NDST1: variants seen among roughly 807,000 people sequenced by gnomAD.
NDST1 encodes the protein bifunctional heparan sulfate N-deacetylase/N-sulfotransferase 1.
Under a neutral mutation model 92.8 loss-of-function variants are expected in NDST1, and 35 were observed. The ratio of observed to expected loss-of-function variants is 0.38; its 90% confidence interval spans 0.29 to 0.50. The LOEUF is 0.50. Ranked by LOEUF, NDST1 falls within the 20% of genes least tolerant of loss-of-function variation. The probability of loss-of-function intolerance (pLI) is 0.94; values close to 1 mark genes in which losing one functional copy is unlikely to be tolerated. For synonymous variants in NDST1, 493 were observed against 500.3 expected (o/e 0.99, Z 0.19); for missense variants, 822 against 1,182.7 (o/e 0.69, Z 4.47).
intron 1 of NDST1, among the ~76,000 whole-genome samples, chr5:150,512,549 T>C (rs1309302612): frequency 1.3e-5 from 2 of 152,204 alleles, no homozygotes; most frequent in Non-Finnish European, 2.9e-5. Flanking sequence ...CCCAGAAAGA[T>C]CTCGAACCTC....
At chr5:150,498,235 A>G (rs1753079561) in exon 1 of NDST1, 1 of 152,382 alleles carries the variant, frequency 6.6e-6, no homozygotes, top group African/African-American at 2.4e-5. Flanking sequence ...GCTGTGTGAC[A>G]TTGGGTAAGT....
chr5:150,513,605 C>T (rs958089724), intron 1 of NDST1, among the ~76,000 whole-genome samples: 3 of 152,200 alleles, frequency 2.0e-5, no homozygotes, highest in Non-Finnish European at 4.4e-5. Context: ...GGCCTGCTGG[C>T]GCACAGTAGG....
chr5:150,539,138 G>A lies in NDST1; in HGVS notation c.1438-90G>A, dbSNP rs80352661. On this transcript the variant is annotated intron_variant, in intron 6 of 14. Transcript: ENST00000261797. ...CACATGGAGACTGCCTTTCTGAGGAGCAGCTGGGCCTTCTTCCTCTGAGGA... is the reference window on the plus strand; with the variant it reads ...CACATGGAGACTGCCTTTCTGAGGAACAGCTGGGCCTTCTTCCTCTGAGGA... 8.2e-3 allele frequency: 8,844 copies of A among 1,075,944 alleles called. 505 individuals are homozygous for A. The African/African-American group carries it at 0.12, about 15-fold the overall frequency. 66.6% of individuals were successfully genotyped at this position (1,075,944 alleles called of 1,614,324 possible). A position where few individuals can be genotyped will look rare whatever the true frequency, so the allele number is the denominator to read the frequency against.
At chr5:150,529,241 A>C (rs13357901) in intron 3 of NDST1, among the ~76,000 whole-genome samples, 2 of 151,864 alleles carry the variant, frequency 1.3e-5, no homozygotes, top group African/African-American at 4.8e-5. Context: ...AAAATAAAAC[A>C]TTAGCTGGGT....
intron 1 of NDST1, among the ~76,000 whole-genome samples, chr5:150,519,672 T>G (rs978122842): frequency 8.6e-5 from 13 of 150,972 alleles, no homozygotes; most frequent in African/African-American, 2.7e-4. Context: ...GCAACAAGAG[T>G]GAAACTCCGC....
At chr5:150,544,105 A>G (rs1238949519) in intron 10 of NDST1, among the ~76,000 whole-genome samples, 2 of 152,134 alleles carry the variant, frequency 1.3e-5, no homozygotes, top group Non-Finnish European at 2.9e-5. Context: ...ACATCTCCAC[A>G]GTCTCTTGTC....
At chr5:150,507,798 C>G (rs1046439957), upstream of NDST1, 7 of 152,598 alleles carry the variant, frequency 4.6e-5, no homozygotes, top group African/African-American at 1.7e-4. Flanking sequence ...TGGCTGCTAC[C>G]TCTCTTGAGA....
chr5:150,509,487 C>A (rs1753619005), intron 1 of NDST1, among the ~76,000 whole-genome samples: 1 of 152,142 alleles, frequency 6.6e-6, no homozygotes, highest in African/African-American at 2.4e-5. Flanking sequence ...TCTTCCTTAG[C>A]ATGAGGCCTC....
chr5:150,543,134 G>C (rs1755320078), intron 10 of NDST1, among the ~76,000 whole-genome samples, 163 bp downstream of exon 10: 1 of 152,232 alleles, frequency 6.6e-6, no homozygotes, highest in Admixed American at 6.5e-5. Flanking sequence ...TGGTGTGACA[G>C]CGTTGTCATA....
intron 1 of NDST1, among the ~76,000 whole-genome samples, chr5:150,499,257 T>C (rs1052805204): frequency 6.6e-6 from 1 of 152,270 alleles, no homozygotes; most frequent in African/African-American, 2.4e-5. Flanking sequence ...GACTTCTGGC[T>C]TTATTTCAAA....
chr5:150,551,357 C>T (rs937098525), intron 13 of NDST1, among the ~76,000 whole-genome samples: 2 of 151,984 alleles, frequency 1.3e-5, no homozygotes, highest in African/African-American at 4.8e-5. Flanking sequence ...ACCCCTCTTC[C>T]CATTGACGCT....
chr5:150,533,145 G>A (rs1754820118), intron 4 of NDST1, 113 bp downstream of exon 4: 2 of 1,054,982 alleles, frequency 1.9e-6, no homozygotes, highest in Admixed American at 3.5e-5. Flanking sequence ...CCACATTAGA[G>A]GCAGAGGTGA....
chr5:150,551,071 T>C (rs1755704604), intron 13 of NDST1, among the ~76,000 whole-genome samples: 1 of 152,230 alleles, frequency 6.6e-6, no homozygotes, highest in African/African-American at 2.4e-5. Flanking sequence ...AATTCTGTTT[T>C]CTTGATGCCC....
chr5:150,546,367 A>G (rs1258573346), intron 11 of NDST1, among the ~76,000 whole-genome samples: 1 of 152,170 alleles, frequency 6.6e-6, no homozygotes, highest in African/African-American at 2.4e-5. Context: ...GCCTGCAGGA[A>G]TGCTTTTAGG....
At chr5:150,505,190 G>A (rs1002959403), upstream of NDST1, among the ~76,000 whole-genome samples, 1 of 152,218 alleles carries the variant, frequency 6.6e-6, no homozygotes, top group African/African-American at 2.4e-5. Flanking sequence ...AGCTGGCCGG[G>A]CTGGAGGCTG....
chr5:150,545,245 T>C, intron 10 of NDST1, 67 bp from the exon 11 acceptor site: 4 of 1,575,490 alleles, frequency 2.5e-6, no homozygotes, highest in Non-Finnish European at 3.5e-6. Context: ...CTCGCCCTTG[T>C]GCTGCATTCC....
chr5:150,546,207 A>G (rs1755476714), intron 11 of NDST1, among the ~76,000 whole-genome samples: 3 of 152,068 alleles, frequency 2.0e-5, no homozygotes, highest in Admixed American at 2.0e-4. Context: ...CATGTTGGCC[A>G]GGCTGGTCTC....
intron 1 of NDST1, among the ~76,000 whole-genome samples, chr5:150,500,951 C>G (rs986853484): frequency 6.6e-6 from 1 of 152,224 alleles, no homozygotes; most frequent in Non-Finnish European, 1.5e-5. Context: ...GGCAGATCAT[C>G]TAGCTGGGAC....
intron 2 of NDST1, among the ~76,000 whole-genome samples, chr5:150,525,726 C>T (rs796593045): frequency 4.6e-5 from 7 of 152,156 alleles, no homozygotes; most frequent in South Asian, 4.1e-4. Context: ...AGCTCTGCAA[C>T]GGGCACAGGC....
Sources: allele counts gnomAD v4.1 joint callset (sites outside exome capture counted in the v4.1 genomes callset), GRCh38; gene constraint gnomAD v4.1.1; transcripts MANE v1.5; gene names NCBI Gene and HGNC (gene_info 2026-07-23, HGNC 2026-07-21).